MMP26: variants seen among roughly 807,000 people sequenced by gnomAD.
MMP26 encodes the protein matrix metalloproteinase-26.
MMP26 carries 33 observed loss-of-function variants against 31.0 expected under a neutral mutation model. The observed-to-expected ratio is 1.06, with a 90% CI of 0.81 to 1.42. MMP26 has a LOEUF of 1.42. Ranked by LOEUF, MMP26 falls within the 40% of genes most tolerant of loss-of-function variation. The pLI, the probability that MMP26 is intolerant of heterozygous loss-of-function variation, is 0.00. For synonymous variants in MMP26, 122 were observed against 114.9 expected, an observed-to-expected ratio of 1.06 and a Z score of -0.40; for missense variants, 347 against 316.1, an observed-to-expected ratio of 1.10 and a Z score of -0.74.
At chr11:4,869,372 A>C (rs969726127) in intron 2 of MMP26, among the ~76,000 whole-genome samples, 1 of 152,054 alleles carries the variant, frequency 6.6e-6, no homozygotes, top group Non-Finnish European at 1.5e-5. Flanking sequence ...AATTTACAAG[A>C]AAAAATAAAA....
intron 2 of MMP26, among the ~76,000 whole-genome samples, chr11:4,781,017 A>G (rs1009502423): frequency 3.3e-5 from 5 of 152,148 alleles, no homozygotes; most frequent in African/African-American, 1.2e-4. Flanking sequence ...CATGCAAAGC[A>G]AAAGAAGTTA....
chr11:4,928,522 G>A (rs1851304198), intron 2 of MMP26, among the ~76,000 whole-genome samples: 1 of 152,100 alleles, frequency 6.6e-6, no homozygotes, highest in Non-Finnish European at 1.5e-5. Flanking sequence ...GAAATGTAAT[G>A]GGTTTTCAGT....
intron 2 of MMP26, among the ~76,000 whole-genome samples, chr11:4,959,717 C>T (rs1209158620): frequency 6.6e-6 from 1 of 152,028 alleles, no homozygotes; most frequent in Non-Finnish European, 1.5e-5. Context: ...TTTTCTTGTC[C>T]TCTATTGCCC....
intron 2 of MMP26, among the ~76,000 whole-genome samples, chr11:4,911,555 A>G (rs1850992017): frequency 6.6e-6 from 1 of 152,110 alleles, no homozygotes; most frequent in Non-Finnish European, 1.5e-5. Context: ...CTCCAGTCAC[A>G]CCGGTCCTCT....
chr11:4,748,696 ATG>A (rs143974633), intron 1 of MMP26, among the ~76,000 whole-genome samples: 6,638 of 151,866 alleles, frequency 0.044, 457 homozygotes, highest in African/African-American at 0.15. Flanking sequence ...TAAAAAAAAT[ATG>A]ATCACGGCAA....
chr11:4,866,643 A>G (rs571388206), intron 2 of MMP26, among the ~76,000 whole-genome samples: 2 of 152,300 alleles, frequency 1.3e-5, no homozygotes, highest in East Asian at 1.9e-4. Flanking sequence ...TTAAGCAAAA[A>G]GAGCAAAATT....
intron 1 of MMP26, among the ~76,000 whole-genome samples, chr11:4,735,159 G>A (rs1445849562): frequency 6.6e-6 from 1 of 152,306 alleles, no homozygotes; most frequent in Admixed American, 6.5e-5. Flanking sequence ...CCTAGCTGTG[G>A]GGAAGGGAAG....
intron 2 of MMP26, among the ~76,000 whole-genome samples, chr11:4,941,402 A>C (rs2605298): frequency 9.9e-5 from 15 of 152,226 alleles, no homozygotes; most frequent in Admixed American, 3.3e-4. Flanking sequence ...ACTTTTCACC[A>C]GAAATCTTTG....
Position 4,769,068 on chromosome 11 carries a change from G to A in MMP26, c.-145+1727G>A, listed in dbSNP as rs764770143. ...ATGGGGTTGAGCACAGGGGGTAAAA[G>A]CAGGTATACATTAGCCATCACTGAA... On this transcript the variant is annotated intron_variant, in intron 2 of 7. Transcript: ENST00000380390. 16 of 1,563,946 alleles carry A rather than the reference G, an allele frequency of 1.0e-5. No individual in the cohort carries two copies. In the East Asian group the frequency reaches 2.5e-4, roughly 24 times the overall value.
At chr11:4,882,880 T>C (rs749812249) in intron 2 of MMP26, 1 of 1,609,226 alleles carries the variant, frequency 6.2e-7, no homozygotes, top group Non-Finnish European at 8.5e-7. Context: ...GAAGATGGGA[T>C]TGAAGGTAGG....
At chr11:4,823,394 C>A (rs1011507662) in intron 2 of MMP26, among the ~76,000 whole-genome samples, 19 of 152,144 alleles carry the variant, frequency 1.2e-4, no homozygotes, top group Admixed American at 5.2e-4. Flanking sequence ...AACTTCTCCC[C>A]CAAACAACAT....
chr11:4,728,219 G>T (rs1848128814), intron 1 of MMP26, among the ~76,000 whole-genome samples: 1 of 152,188 alleles, frequency 6.6e-6, no homozygotes, highest in Admixed American at 6.5e-5. Flanking sequence ...TAGGGAAATG[G>T]TTCCTTGTTA....
rs569971430 is a variant in MMP26 at position 4,904,493 on chromosome 11, C to G, written c.-144-83575C>G. Among the ~76,000 whole-genome samples the G allele has an allele frequency of 2.8e-3, 429 of 152,192 alleles. 2 individuals carry two copies. The highest frequency in any genetic ancestry group is 6.2e-3 in the South Asian group (30 of 4,822). ...TTCCACCTCTCTGAATATTCCTTTGCAAGATCCTCTCAACAATCTTACTGC... is the reference window on the plus strand; with the variant it reads ...TTCCACCTCTCTGAATATTCCTTTGGAAGATCCTCTCAACAATCTTACTGC... On this transcript the variant is annotated intron_variant, in intron 2 of 7. Transcript: ENST00000380390.
intron 2 of MMP26, among the ~76,000 whole-genome samples, chr11:4,786,506 T>TA (rs1213562672): frequency 8.2e-6 from 1 of 122,158 alleles, no homozygotes; most frequent in East Asian, 2.0e-4. Flanking sequence ...TTTTTTTTTT[T>TA]TTTTTTTTTT....
At chr11:4,719,282 T>A (rs1847978517) in intron 1 of MMP26, 1 of 153,692 alleles carries the variant, frequency 6.5e-6, no homozygotes. Flanking sequence ...ATTTTGATCA[T>A]TAAGACTGTT....
At chr11:4,919,978 T>TG (rs748650681) in intron 2 of MMP26, among the ~76,000 whole-genome samples, 93 of 152,230 alleles carry the variant, frequency 6.1e-4, no homozygotes, top group Admixed American at 1.1e-3. Flanking sequence ...CTTGTACACT[T>TG]GGGGGTGAGA....
At chr11:4,885,341 A>G (rs74054620) in intron 2 of MMP26, among the ~76,000 whole-genome samples, 2,087 of 152,260 alleles carry the variant, frequency 0.014, 54 homozygotes, top group African/African-American at 0.048. Context: ...ATGCCCCACA[A>G]TGACCTTTCA....
intron 2 of MMP26, among the ~76,000 whole-genome samples, chr11:4,824,739 T>TA (rs1250567116): frequency 1.3e-5 from 2 of 152,170 alleles, no homozygotes; most frequent in African/African-American, 4.8e-5. Context: ...TCTGTGGTCA[T>TA]TATCATATCC....
At chr11:4,814,144 G>C (rs529712434) in intron 2 of MMP26, among the ~76,000 whole-genome samples, 1 of 152,180 alleles carries the variant, frequency 6.6e-6, no homozygotes. Context: ...ACAACACTAA[G>C]TATTGGTAAA....
Sources: gnomAD v4.1 joint callset for allele counts (sites outside exome capture counted in the v4.1 genomes callset) on GRCh38, gnomAD v4.1.1 for gene constraint, MANE v1.5 for transcripts, NCBI Gene and HGNC (gene_info 2026-07-23, HGNC 2026-07-21) for gene names.